The following SULF1 variants were observed in gnomAD, a reference collection of about 807,000 sequenced individuals.
The protein encoded by SULF1 is sulfatase 1, also known as extracellular sulfatase Sulf-1.
In SULF1, 46 loss-of-function variants were observed where a neutral mutation model predicts 110.5. The observed-to-expected ratio is 0.42, with a 90% CI of 0.33 to 0.53. SULF1 has a LOEUF of 0.53. SULF1 is among the 20% of genes least tolerant of loss of function. The pLI is 0.12. For missense variants in SULF1, 941 were observed against 1,094.2 expected, an observed-to-expected ratio of 0.86 and a Z score of 1.98; for synonymous variants, 371 against 387.1, an observed-to-expected ratio of 0.96 and a Z score of 0.49.
At chr8:69,523,058 G>A (rs940468895) in intron 3 of SULF1, among the ~76,000 whole-genome samples, 12 of 152,166 alleles carry the variant, frequency 7.9e-5, no homozygotes, top group African/African-American at 2.4e-4. Context: ...ATGGTAACAC[G>A]AGTGATATAA....
In SULF1 at chr8:69,535,875, C is replaced by CA. The variant is rs543762158; in HGVS notation, c.-133-27657dup. Reference sequence around the variant, plus strand: ...TGAAATCCCATCTCTACTGAAAATACAAAAAAATTAGCCAGGCCTGTAATC... The same window carrying CA: ...TGAAATCCCATCTCTACTGAAAATACAAAAAAAATTAGCCAGGCCTGTAATC... On this transcript the variant is annotated intron_variant, in intron 3 of 22. Transcript: ENST00000402687. 5.9e-5 allele frequency among the ~76,000 whole-genome samples: 9 copies of CA among 151,916 alleles called. No homozygotes were observed. The East Asian group carries it at 9.7e-4, about 16-fold the overall frequency.
rs1439505750 is a variant in SULF1 at position 69,600,703 on chromosome 8, C to T, written c.835C>T (p.Gln279Ter). ...PIHMEFTNILQRKRLQTLMSV... is the reference protein window; with the variant it reads ...PIHMEFTNIL ...CCACATGGAATTTACAAACATTCTACAGCGCAAAAGGCTCCAGACTTTGAT... is the reference window on the plus strand; with the variant it reads ...CCACATGGAATTTACAAACATTCTATAGCGCAAAAGGCTCCAGACTTTGAT... The change falls in exon 9 of 23, where the codon CAG (glutamine) becomes TAG (stop). Residue 279 changes from glutamine to a stop codon, truncating the protein, a stop_gained. Transcript: ENST00000402687. LOFTEE classifies it high-confidence loss of function. 6.2e-7 allele frequency: 1 copy of T among 1,613,962 alleles called. No individual in the cohort carries two copies. Among genetic ancestry groups the T allele is most frequent in the African/African-American group, 1.3e-5 (1 of 74,912 alleles).
intron 1 of SULF1, among the ~76,000 whole-genome samples, chr8:69,471,024 A>G (rs1809061014): frequency 6.6e-6 from 1 of 151,940 alleles, no homozygotes; most frequent in South Asian, 2.1e-4. Flanking sequence ...GTTCATCCTT[A>G]TCACCTCTAT....
At chr8:69,650,807 C>G (rs921710378) in intron 22 of SULF1, among the ~76,000 whole-genome samples, 10 of 151,998 alleles carry the variant, frequency 6.6e-5, no homozygotes. Flanking sequence ...ATTTTTTGAC[C>G]ACCTCGTTGC....
chr8:69,488,489 G>A (rs1021757475), upstream of SULF1, among the ~76,000 whole-genome samples: 4 of 151,800 alleles, frequency 2.6e-5, no homozygotes, highest in Admixed American at 6.6e-5. Flanking sequence ...AATTAATAAA[G>A]GTCAGTTCCA....
At chr8:69,537,129 A>G (rs1813476458) in intron 3 of SULF1, among the ~76,000 whole-genome samples, 1 of 152,180 alleles carries the variant, frequency 6.6e-6, no homozygotes, top group Admixed American at 6.5e-5. Flanking sequence ...CTCACTGCAC[A>G]GCATTAGGAG....
At chr8:69,588,162 A>T (rs1258500934) in intron 7 of SULF1, among the ~76,000 whole-genome samples, 1 of 152,192 alleles carries the variant, frequency 6.6e-6, no homozygotes, top group East Asian at 1.9e-4. Context: ...TTAAGTTTTC[A>T]TCTTTTCTTT....
rs1395878088 is a variant in SULF1 at position 69,658,521 on chromosome 8, G to C, written c.2602G>C (p.Gly868Arg). The C allele has an allele frequency of 6.2e-7, 1 of 1,607,388 alleles. No individual in the cohort carries two copies. Among genetic ancestry groups the C allele is most frequent in the South Asian group, 1.1e-5 (1 of 89,956 alleles). Residue 868 changes from glycine to arginine, a missense_variant, in exon 23 of 23, where the codon GGA (glycine) becomes CGA (arginine). By Grantham distance (125) the Gly-to-Arg change is moderately radical (BLOSUM62 -2). Around this residue, in one of 3 missense-constraint regions of SULF1, gnomAD observed 112 missense variants for 133.5 expected, o/e 0.84. Transcript: ENST00000402687. ...YDLHRGQLWDGWEG is the reference protein window; with the variant it reads ...YDLHRGQLWDRWEG ...TTTTCACAGAGGACAGTTATGGGAT[G>C]GATGGGAAGGTTAATCAGCCCCGTC...
chr8:69,627,594 A>G (rs1433066997), intron 16 of SULF1, among the ~76,000 whole-genome samples, 178 bp from the exon 17 acceptor site: 1 of 152,268 alleles, frequency 6.6e-6, no homozygotes, highest in Non-Finnish European at 1.5e-5. Context: ...TCTATAACAC[A>G]TGGGTTGGAA....
chr8:69,560,882 G>C (rs1222879334), intron 3 of SULF1, among the ~76,000 whole-genome samples: 1 of 152,182 alleles, frequency 6.6e-6, no homozygotes, highest in Non-Finnish European at 1.5e-5. Context: ...ATAGAGAGAG[G>C]ACTCGTGCTG....
intron 1 of SULF1, among the ~76,000 whole-genome samples, chr8:69,470,082 A>C (rs1290562563): frequency 6.6e-6 from 1 of 152,130 alleles, no homozygotes; most frequent in Admixed American, 6.5e-5. Flanking sequence ...TCTGATACTG[A>C]GCTATATATA....
intron 19 of SULF1, among the ~76,000 whole-genome samples, chr8:69,636,363 C>T (rs902123210): frequency 2.0e-5 from 3 of 151,990 alleles, no homozygotes; most frequent in Admixed American, 6.6e-5. Flanking sequence ...GGTGAAACCC[C>T]GTCTCTACTA....
intron 1 of SULF1, among the ~76,000 whole-genome samples, chr8:69,494,812 G>A (rs868429093): frequency 2.1e-4 from 32 of 151,886 alleles, no homozygotes; most frequent in Admixed American, 2.6e-4. Flanking sequence ...CCTAGAAGGT[G>A]GAGACTAGAG....
chr8:69,627,165 A>G (rs1195634806), intron 15 of SULF1, 45 bp from the exon 16 acceptor site: 3 of 1,431,370 alleles, frequency 2.1e-6, no homozygotes, highest in East Asian at 2.3e-5. Flanking sequence ...GTTTTCTGCT[A>G]TTAGAATATA....
chr8:69,499,532 A>G (rs113145065), intron 2 of SULF1, among the ~76,000 whole-genome samples: 2,240 of 152,300 alleles, frequency 0.015, 54 homozygotes, highest in African/African-American at 0.051. Context: ...GATCCAGGCA[A>G]TCAGTCCTCT....
At chr8:69,621,641 G>C (rs1809620197) in intron 14 of SULF1, among the ~76,000 whole-genome samples, 1 of 152,182 alleles carries the variant, frequency 6.6e-6, no homozygotes, top group Non-Finnish European at 1.5e-5. Context: ...CAAGGTTTCA[G>C]TGTGTATGCA....
intron 3 of SULF1, among the ~76,000 whole-genome samples, chr8:69,553,355 C>A (rs1229388478): frequency 6.6e-6 from 1 of 152,096 alleles, no homozygotes; most frequent in Non-Finnish European, 1.5e-5. Context: ...TGTTTTCAAC[C>A]CTGATTGAAA....
rs1172657444 is a variant in SULF1, at chr8:69,619,205, T to C, written c.1378-1830T>C. 5.9e-5 allele frequency among the ~76,000 whole-genome samples: 9 copies of C among 152,112 alleles called. No individual in the cohort carries two copies. The East Asian group carries it at 1.5e-3, about 26-fold the overall frequency. On this transcript the variant is annotated intron_variant, in intron 13 of 22. Transcript: ENST00000402687. ...GAGTTTCTCACTCTTTAACTAGATA[T>C]GAACAAAAACAATAAAGGATAAAGA...
chr8:69,606,205 C>T (rs1808211368), intron 13 of SULF1, among the ~76,000 whole-genome samples: 2 of 152,184 alleles, frequency 1.3e-5, no homozygotes, highest in Admixed American at 6.5e-5. Context: ...TTCTTGTACA[C>T]AGGATCCCTT....
Sources: allele counts gnomAD v4.1 joint callset (sites outside exome capture counted in the v4.1 genomes callset), GRCh38; gene constraint gnomAD v4.1.1; regional missense constraint gnomAD v4.1.1; transcripts MANE v1.5; gene names NCBI Gene and HGNC (gene_info 2026-07-23, HGNC 2026-07-21).